Variants in EDNRB observed in about 807,000 individuals in gnomAD.
EDNRB encodes the protein endothelin receptor type B.
In EDNRB, 18 loss-of-function variants were observed where a neutral mutation model predicts 46.4. That is an observed-to-expected ratio of 0.39 (90% CI 0.27 to 0.57). The LOEUF (loss-of-function observed/expected upper bound fraction) is 0.57. Ranked by LOEUF, EDNRB falls within the 20% of genes least tolerant of loss-of-function variation. EDNRB has a pLI of 0.61. For synonymous variants in EDNRB, 213 were observed against 204.9 expected, an observed-to-expected ratio of 1.04 and a Z score of -0.34; for missense variants, 434 against 537.5, an observed-to-expected ratio of 0.81 and a Z score of 1.90.
At position 77,901,091 on chromosome 13, in the gene EDNRB, G is replaced by A. The variant is rs200579611; in HGVS notation, c.918C>T (p.Gly306=). Residue 306 remains glycine (G), a synonymous_variant, in exon 4 of 7, where the codon GGC becomes GGT. Transcript: ENST00000646607. ...MTCEMLRKKS[G]MQIALNDHLK... The stretch of plus-strand genomic sequence containing the variant: ...GGTGATCATTTAAAGCAATCTGCAT[G>A]CCACTTTTCTTTCTCAACATTTCAC... The A allele has an allele frequency of 3.7e-5, 59 of 1,610,990 alleles. No homozygotes were observed. Among genetic ancestry groups the A allele is most frequent in the Non-Finnish European group, 4.9e-5 (58 of 1,178,368 alleles).
rs1064797178 is a variant in EDNRB at position 77,918,268 on chromosome 13, G to A, written c.306C>T (p.Tyr102=). Residue 102 remains tyrosine (Y), a synonymous_variant, in exon 1 of 7, where the codon TAC becomes TAT. Coordinates refer to ENST00000646607, the MANE Select transcript of EDNRB (RefSeq NM_001122659.3). The surrounding 1 kb of genome is among the most constrained non-coding windows in gnomAD (Gnocchi z 4.5). Reference sequence around the variant, plus strand: ...CAAGGCAGGACACAACCGTGTTGATGTATTTGAAAGTCTCCTTGATCTCGA... The same window carrying A: ...CAAGGCAGGACACAACCGTGTTGATATATTTGAAAGTCTCCTTGATCTCGA... ...GPIEIKETFK[Y]INTVVSCLVF... is the part of the protein sequence containing the mutation. 6.2e-7 allele frequency: 1 copy of A among 1,613,430 alleles called. No homozygotes were observed.
chr13:77,925,827 G>A (rs1011686927), intron 1 of EDNRB, among the ~76,000 whole-genome samples: 5 of 152,116 alleles, frequency 3.3e-5, no homozygotes, highest in African/African-American at 9.7e-5. Context: ...ATCTTGCACC[G>A]TGCGCCTGGA....
intron 1 of EDNRB, among the ~76,000 whole-genome samples, chr13:77,943,117 C>T (rs1010460060): frequency 6.6e-6 from 1 of 152,060 alleles, no homozygotes; most frequent in African/African-American, 2.4e-5. Flanking sequence ...TTGTCTCCTT[C>T]CATAAAAGCT....
rs556544781 is a variant in EDNRB, at chr13:77,935,563, G to C, written c.-51-16939C>G. ...GGAGTTGTTTTGTAGAAGGTGTTGG[G>C]GTTTGAGAGATCAGTCAGACACAAT... is the stretch of plus-strand genomic sequence containing the variant. On this transcript the variant is annotated intron_variant, in intron 1 of 7. Transcript: ENST00000646948. 3.4e-3 allele frequency among the ~76,000 whole-genome samples: 517 copies of C among 152,238 alleles called. 1 individual carries two copies. The highest frequency in any genetic ancestry group is 5.6e-3 in the Non-Finnish European group (382 of 68,002).
chr13:77,949,533 C>G (rs1407208015), intron 1 of EDNRB, among the ~76,000 whole-genome samples: 2 of 152,130 alleles, frequency 1.3e-5, no homozygotes, highest in African/African-American at 4.8e-5. Flanking sequence ...AAAACTTTTA[C>G]CCCAGTAAAT....
At chr13:77,959,479 T>C (rs1881339378) in intron 1 of EDNRB, among the ~76,000 whole-genome samples, 1 of 152,048 alleles carries the variant, frequency 6.6e-6, no homozygotes, top group African/African-American at 2.4e-5. Flanking sequence ...CAGCTGAGGG[T>C]CCTGACTGTT....
intron 1 of EDNRB, among the ~76,000 whole-genome samples, chr13:77,962,765 T>C (rs1203644947): frequency 2.0e-5 from 3 of 152,194 alleles, no homozygotes; most frequent in African/African-American, 7.2e-5. Context: ...TTGGAAGTTC[T>C]GGCCAGGGCA....
chr13:77,922,228 A>T (rs1216461125), upstream of EDNRB, among the ~76,000 whole-genome samples: 1 of 152,104 alleles, frequency 6.6e-6, no homozygotes, highest in Non-Finnish European at 1.5e-5. Context: ...ATTGGCTAAG[A>T]TCACTTCTCA....
At chr13:77,964,618 G>A (rs1881526059) in intron 1 of EDNRB, among the ~76,000 whole-genome samples, 1 of 152,102 alleles carries the variant, frequency 6.6e-6, no homozygotes, top group Non-Finnish European at 1.5e-5. Context: ...TCACACACCG[G>A]GGCCTGTCAT....
intron 1 of EDNRB, among the ~76,000 whole-genome samples, chr13:77,972,029 G>A (rs768779491): frequency 2.6e-5 from 4 of 152,182 alleles, no homozygotes; most frequent in Non-Finnish European, 5.9e-5. Flanking sequence ...GGTCTCCAAG[G>A]GATGCTAAGT....
At chr13:77,937,389 G>A (rs1164561684) in intron 1 of EDNRB, among the ~76,000 whole-genome samples, 4 of 152,138 alleles carry the variant, frequency 2.6e-5, no homozygotes, top group Admixed American at 2.6e-4. Flanking sequence ...TTGGGCTAGA[G>A]AAAAAACTCT....
chr13:77,907,257 G>A (rs980324532), intron 1 of EDNRB, among the ~76,000 whole-genome samples: 1 of 151,892 alleles, frequency 6.6e-6, no homozygotes, highest in Non-Finnish European at 1.5e-5. Context: ...TAGGTGGGTG[G>A]CCATTATCCA....
chr13:77,905,490 A>G (rs1879230047), intron 1 of EDNRB, among the ~76,000 whole-genome samples: 1 of 151,978 alleles, frequency 6.6e-6, no homozygotes, highest in Non-Finnish European at 1.5e-5. Context: ...TCATTCAATG[A>G]ATATTTATTG....
At chr13:77,928,382 C>T (rs560601648) in intron 1 of EDNRB, among the ~76,000 whole-genome samples, 1 of 152,176 alleles carries the variant, frequency 6.6e-6, no homozygotes, top group Admixed American at 6.5e-5. Context: ...GGAAATATTT[C>T]ATTCCCTTTA....
chr13:77,931,885 G>A lies in EDNRB; in HGVS notation c.-51-13261C>T, dbSNP rs74097103. ...CAAAAATCATGAATAAGAACTGCAC[G>A]AATTAGCTACAGCTTTCTTTAGCAA... On this transcript the variant is annotated intron_variant, in intron 1 of 7. Transcript: ENST00000646948. Among the ~76,000 whole-genome samples, 916 of 151,824 alleles carry A rather than the reference G, an allele frequency of 6.0e-3. 13 individuals are homozygous for A. Among genetic ancestry groups the A allele is most frequent in the African/African-American group, 0.021 (866 of 41,404 alleles).
intron 1 of EDNRB, among the ~76,000 whole-genome samples, chr13:77,966,669 C>G (rs1881590776): frequency 6.6e-6 from 1 of 152,134 alleles, no homozygotes; most frequent in Admixed American, 6.6e-5. Flanking sequence ...TCACAGTCTC[C>G]TAAAAATAAA....
rs974742616 is a variant in EDNRB, at chr13:77,901,806, CT to C, written c.802-600del. ...AGGAAATTATGTAACCTAGGCAGCA[CT>C]TTTTTTTTCTTTTTACTAATAGGAA... On this transcript the variant is annotated intron_variant, in intron 3 of 6. Coordinates refer to ENST00000646607, the MANE Select transcript of EDNRB (RefSeq NM_001122659.3). Among the ~76,000 whole-genome samples, 10 of 151,346 alleles carry C rather than the reference CT, an allele frequency of 6.6e-5. No individual in the cohort carries two copies. The South Asian group carries it at 2.1e-3, about 32-fold the overall frequency.
intron 5 of EDNRB, 70 bp from the exon 6 acceptor site, chr13:77,900,037 G>T: frequency 1.5e-6 from 2 of 1,367,042 alleles, no homozygotes; most frequent in Non-Finnish European, 2.1e-6. Flanking sequence ...TGTAGCTTCT[G>T]TGCTTTTGTA....
intron 1 of EDNRB, among the ~76,000 whole-genome samples, chr13:77,960,036 T>A (rs1454457134): frequency 6.6e-6 from 1 of 152,090 alleles, no homozygotes; most frequent in African/African-American, 2.4e-5. Flanking sequence ...TATGGGACTG[T>A]GTGAAAAGAC....
Sources: allele counts gnomAD v4.1 joint callset (sites outside exome capture counted in the v4.1 genomes callset), GRCh38; gene constraint gnomAD v4.1.1; non-coding constraint Gnocchi (gnomAD v3.1); transcripts MANE v1.5; gene names NCBI Gene and HGNC (gene_info 2026-07-23, HGNC 2026-07-21).